Variants in OLA1 observed in about 807,000 individuals in gnomAD.
OLA1 encodes Obg like ATPase 1.
In OLA1, 14 loss-of-function variants were observed where a neutral mutation model predicts 48.4. That is an observed-to-expected ratio of 0.29 (90% confidence interval 0.19 to 0.45). OLA1 has a LOEUF of 0.45. Among genes scored for constraint, OLA1 ranks in the 20% least tolerant of loss-of-function variants. The pLI is 1.00. For synonymous variants in OLA1, 127 were observed against 150.4 expected (o/e 0.84, Z 1.14); for missense variants, 325 against 467.1 (o/e 0.70, Z 2.80).
chr2:174,076,331 G>A (rs548971735), intron 10 of OLA1, among the ~76,000 whole-genome samples: 15 of 152,250 alleles, frequency 9.9e-5, no homozygotes, highest in African/African-American at 3.4e-4. Context: ...AGGCTCTGCA[G>A]CACCCACACT....
Position 174,136,954 on chromosome 2 carries a change from C to T in OLA1, c.549+4871G>A, listed in dbSNP as rs142641945. On this transcript the variant is annotated intron_variant, in intron 5 of 10. Transcript: ENST00000284719. ...CCTCCCAAAGTGCTGGGATTATAGGCGTGAGCCACCACGCCCGGCCATGAA... is the reference window on the plus strand; with the variant it reads ...CCTCCCAAAGTGCTGGGATTATAGGTGTGAGCCACCACGCCCGGCCATGAA... Among the ~76,000 whole-genome samples the T allele has an allele frequency of 1.5e-4, 23 of 152,164 alleles. No individual in the cohort carries two copies. In the East Asian group the frequency reaches 4.3e-3, roughly 28 times the overall value.
At chr2:174,174,589 A>T (rs1203230940) in intron 4 of OLA1, among the ~76,000 whole-genome samples, 1 of 152,046 alleles carries the variant, frequency 6.6e-6, no homozygotes, top group East Asian at 1.9e-4. Flanking sequence ...AATATTAAAC[A>T]CCTAGGGATA....
At chr2:174,104,886 A>G (rs1374616942) in intron 7 of OLA1, among the ~76,000 whole-genome samples, 2 of 152,004 alleles carry the variant, frequency 1.3e-5, no homozygotes, top group African/African-American at 4.8e-5. Flanking sequence ...ATTCAATGTA[A>G]TGATTCATAG....
intron 4 of OLA1, among the ~76,000 whole-genome samples, chr2:174,182,769 C>T (rs1322751300): frequency 6.6e-6 from 1 of 152,160 alleles, no homozygotes; most frequent in Non-Finnish European, 1.5e-5. Flanking sequence ...AAGCAGGTCT[C>T]TCCAGGTTAG....
chr2:174,126,105 T>C (rs971307329), intron 5 of OLA1, among the ~76,000 whole-genome samples: 1 of 152,120 alleles, frequency 6.6e-6, no homozygotes, highest in South Asian at 2.1e-4. Context: ...TTCAATGTGC[T>C]CTTTTTCTTA....
At chr2:174,225,845 TTA>T (rs1688604786) in intron 3 of OLA1, among the ~76,000 whole-genome samples, 1 of 152,196 alleles carries the variant, frequency 6.6e-6, no homozygotes, top group Non-Finnish European at 1.5e-5. Context: ...ACGTTTCTTT[TTA>T]TGAGGAAACT....
chr2:174,205,896 C>T (rs2105436595), intron 4 of OLA1, among the ~76,000 whole-genome samples: 1 of 152,270 alleles, frequency 6.6e-6, no homozygotes, highest in Non-Finnish European at 1.5e-5. Flanking sequence ...GCAACACAGC[C>T]TACAGCCCAT....
At chr2:174,200,734 T>G (rs1280812277) in intron 4 of OLA1, among the ~76,000 whole-genome samples, 1 of 151,946 alleles carries the variant, frequency 6.6e-6, no homozygotes. Context: ...AACAACTTTA[T>G]CCAAAGAAAA....
At chr2:174,131,233 C>A (rs746938028) in intron 5 of OLA1, among the ~76,000 whole-genome samples, 1 of 152,046 alleles carries the variant, frequency 6.6e-6, no homozygotes, top group Non-Finnish European at 1.5e-5. Flanking sequence ...TATTACTTTG[C>A]GTCTGGCTTC....
At chr2:174,150,425 T>A (rs1411336220) in intron 4 of OLA1, among the ~76,000 whole-genome samples, 1 of 152,200 alleles carries the variant, frequency 6.6e-6, no homozygotes, top group Admixed American at 6.5e-5. Context: ...TTTCTTTTCT[T>A]TATAAATTAC....
Position 174,072,847 on chromosome 2 carries a change from A to C in OLA1, c.*2579T>G, listed in dbSNP as rs1684633460. The C allele has an allele frequency of 6.6e-6, 1 of 152,240 alleles. No homozygotes were observed. The highest frequency in any genetic ancestry group is 2.1e-4 in the South Asian group (1 of 4,828). The allele number at this position is 152,240 out of a possible 1,614,324, so 9.4% of individuals were successfully genotyped here. On this transcript the variant is annotated 3_prime_UTR_variant, in exon 11 of 11. Coordinates refer to ENST00000284719, the MANE Select transcript of OLA1 (RefSeq NM_013341.5). ...CACTCATAACTAAGTTAGCGACAAA[A>C]ACTATTTGTGCTTCCTTGGGAGATC...
intron 5 of OLA1, among the ~76,000 whole-genome samples, chr2:174,141,024 C>G (rs967223139): frequency 6.6e-6 from 1 of 152,142 alleles, no homozygotes; most frequent in South Asian, 2.1e-4. Flanking sequence ...CTCCGCCTCC[C>G]GGGTTCAAGC....
At chr2:174,152,722 C>T (rs913776725) in intron 4 of OLA1, among the ~76,000 whole-genome samples, 2 of 152,180 alleles carry the variant, frequency 1.3e-5, no homozygotes, top group Non-Finnish European at 2.9e-5. Context: ...TTACTTGATG[C>T]AAAAGCATAA....
intron 7 of OLA1, among the ~76,000 whole-genome samples, chr2:174,117,662 G>A (rs1685814950): frequency 6.6e-6 from 1 of 152,130 alleles, no homozygotes; most frequent in Admixed American, 6.5e-5. Context: ...GACAAATAAT[G>A]CTCTTCCTCC....
At chr2:174,220,677 G>C (rs1056395755) in intron 4 of OLA1, among the ~76,000 whole-genome samples, 1 of 152,074 alleles carries the variant, frequency 6.6e-6, no homozygotes, top group Non-Finnish European at 1.5e-5. Context: ...ATGAGTATTT[G>C]CATTTTAAAC....
intron 7 of OLA1, among the ~76,000 whole-genome samples, chr2:174,085,613 TA>T (rs1684957347): frequency 6.6e-6 from 1 of 152,206 alleles, no homozygotes; most frequent in African/African-American, 2.4e-5. Context: ...ATTAAATTAA[TA>T]TCAAATTTCC....
intron 4 of OLA1, among the ~76,000 whole-genome samples, chr2:174,142,300 A>G (rs913999431): frequency 2.6e-5 from 4 of 152,230 alleles, no homozygotes; most frequent in Non-Finnish European, 5.9e-5. Context: ...GTAAATTAAA[A>G]GATACTGAAT....
chr2:174,179,202 GA>G (rs150496659), intron 4 of OLA1, among the ~76,000 whole-genome samples: 2,063 of 146,540 alleles, frequency 0.014, 53 homozygotes, highest in African/African-American at 0.047. Flanking sequence ...ACATAACCAT[GA>G]AAAAAAAAAC....
intron 4 of OLA1, among the ~76,000 whole-genome samples, chr2:174,184,545 T>C (rs1182668839): frequency 6.6e-6 from 1 of 152,234 alleles, no homozygotes; most frequent in Non-Finnish European, 1.5e-5. Context: ...TGTAATGTGA[T>C]ATCCTGGATT....
Sources: gnomAD v4.1 joint callset for allele counts (sites outside exome capture counted in the v4.1 genomes callset) on GRCh38, gnomAD v4.1.1 for gene constraint, MANE v1.5 for transcripts, NCBI Gene and HGNC (gene_info 2026-07-23, HGNC 2026-07-21) for gene names.